TMTC2: variants seen among roughly 807,000 people sequenced by gnomAD.
The protein encoded by TMTC2 is protein O-mannosyl-transferase TMTC2.
A neutral mutation model predicts 82.4 loss-of-function variants in TMTC2; 43 were observed. That is an observed-to-expected ratio of 0.52 (90% confidence interval 0.41 to 0.67). The LOEUF (loss-of-function observed/expected upper bound fraction) is 0.67. Ranked by LOEUF, TMTC2 falls within the 30% of genes least tolerant of loss-of-function variation. The pLI, the probability that TMTC2 is intolerant of heterozygous loss-of-function variation, is 0.00. For missense variants in TMTC2, 919 were observed against 1,012.4 expected (o/e 0.91, Z 1.25); for synonymous variants, 408 against 381.9 (o/e 1.07, Z -0.80).
At chr12:82,988,183 G>A (rs568199678) in intron 8 of TMTC2, among the ~76,000 whole-genome samples, 1 of 152,272 alleles carries the variant, frequency 6.6e-6, no homozygotes, top group Non-Finnish European at 1.5e-5. Flanking sequence ...GGAATGGGAA[G>A]AGAGATTTCA....
chr12:83,127,515 C>CAAAA (rs2137569878), intron 11 of TMTC2, among the ~76,000 whole-genome samples: 1 of 152,194 alleles, frequency 6.6e-6, no homozygotes, highest in Admixed American at 6.5e-5. Flanking sequence ...AAACGCTTTT[C>CAAAA]TCTTTTGTTT....
chr12:83,074,173 GA>G (rs929407855), intron 11 of TMTC2, among the ~76,000 whole-genome samples: 4 of 152,132 alleles, frequency 2.6e-5, no homozygotes, highest in African/African-American at 9.7e-5. Flanking sequence ...GTGTTCGCTT[GA>G]TGTAGTACTC....
rs75330258 is a variant in TMTC2, at chr12:82,834,659, A to G, written c.84-22351A>G. Among the ~76,000 whole-genome samples, 1,430 of 152,302 alleles carry G rather than the reference A, an allele frequency of 9.4e-3. 27 individuals are homozygous for G. Among genetic ancestry groups the G allele is most frequent in the African/African-American group, 0.033 (1,388 of 41,568 alleles). ...CTCCTTCAGTAATTCTCAAAATGACATGATTCCAAAGTGTCCGTGTCATCT... is the reference window on the plus strand; with the variant it reads ...CTCCTTCAGTAATTCTCAAAATGACGTGATTCCAAAGTGTCCGTGTCATCT... On this transcript the variant is annotated intron_variant, in intron 1 of 11. Transcript: ENST00000321196.
At chr12:82,766,783 C>CTATTTATTTATTTATTTATT (rs10645376) in intron 1 of TMTC2, among the ~76,000 whole-genome samples, 77 of 151,394 alleles carry the variant, frequency 5.1e-4, no homozygotes, top group African/African-American at 1.8e-3. Context: ...GTTGATTCTT[C>CTATTTATTTATTTATTTATT]TATTTATTTA....
intron 8 of TMTC2, among the ~76,000 whole-genome samples, chr12:83,018,750 A>G (rs1880789663): frequency 1.3e-5 from 2 of 151,174 alleles, no homozygotes; most frequent in South Asian, 4.2e-4. Context: ...CTCAAGATTT[A>G]GTCAGATTTA....
At chr12:82,718,657 G>A (rs923570375) in intron 1 of TMTC2, among the ~76,000 whole-genome samples, 1 of 152,110 alleles carries the variant, frequency 6.6e-6, no homozygotes, top group Non-Finnish European at 1.5e-5. Flanking sequence ...ACATGACAGG[G>A]CCATTTTTGC....
intron 11 of TMTC2, among the ~76,000 whole-genome samples, chr12:83,073,412 C>A (rs1565878394): frequency 6.6e-6 from 1 of 152,136 alleles, no homozygotes; most frequent in Non-Finnish European, 1.5e-5. Context: ...ACTTAAGAAT[C>A]TTTCCTTTGT....
intron 1 of TMTC2, among the ~76,000 whole-genome samples, chr12:82,838,189 G>C (rs1351447147): frequency 6.6e-6 from 1 of 152,174 alleles, no homozygotes; most frequent in Admixed American, 6.5e-5. Flanking sequence ...GGTGCAACCA[G>C]TGCTCACTTA....
intron 1 of TMTC2, among the ~76,000 whole-genome samples, chr12:82,795,817 C>T (rs116986155): frequency 0.015 from 2,262 of 152,214 alleles, 30 homozygotes; most frequent in Admixed American, 0.023. Context: ...TCTTGGACTT[C>T]CTAGCTTGCA....
intron 1 of TMTC2, among the ~76,000 whole-genome samples, chr12:82,817,342 A>C (rs1304900020): frequency 6.6e-6 from 1 of 152,062 alleles, no homozygotes; most frequent in African/African-American, 2.4e-5. Flanking sequence ...TTAGTATCTA[A>C]GATTTTTTCT....
At chr12:83,079,317 C>A (rs2137501468) in intron 11 of TMTC2, among the ~76,000 whole-genome samples, 1 of 152,152 alleles carries the variant, frequency 6.6e-6, no homozygotes, top group East Asian at 1.9e-4. Context: ...TTGTTTATAG[C>A]ATAAGGATTC....
intron 11 of TMTC2, among the ~76,000 whole-genome samples, chr12:83,062,522 TA>T (rs1882780405): frequency 6.6e-6 from 1 of 151,830 alleles, no homozygotes; most frequent in Non-Finnish European, 1.5e-5. Context: ...TAAAATCTTC[TA>T]CCCTGTTCTT....
At chr12:82,710,402 C>G (rs1873566908) in intron 1 of TMTC2, among the ~76,000 whole-genome samples, 1 of 152,158 alleles carries the variant, frequency 6.6e-6, no homozygotes, top group Non-Finnish European at 1.5e-5. Flanking sequence ...TTAGTTGTTT[C>G]TCTTTAGATC....
chr12:83,009,060 T>C (rs1880332097), intron 8 of TMTC2, among the ~76,000 whole-genome samples: 1 of 152,202 alleles, frequency 6.6e-6, no homozygotes, highest in African/African-American at 2.4e-5. Flanking sequence ...GTGACCTTCA[T>C]GAGTTATTCT....
At chr12:82,761,868 TTCTCTCTTTCTTTCTTTC>T (rs1027868262) in intron 1 of TMTC2, among the ~76,000 whole-genome samples, 17 of 52,924 alleles carry the variant, frequency 3.2e-4, no homozygotes, top group African/African-American at 8.1e-4. Flanking sequence ...CTGTTTCTCT[TTCTCTCTTTCTTTCTTTC>T]TCTCTCTTTC....
intron 2 of TMTC2, among the ~76,000 whole-genome samples, chr12:82,874,152 A>G (rs1349575799): frequency 1.3e-5 from 2 of 152,232 alleles, no homozygotes; most frequent in East Asian, 1.9e-4. Flanking sequence ...TAGACATTTG[A>G]GAGAAGTTGT....
At chr12:82,972,740 C>T (rs1194229863) in intron 7 of TMTC2, among the ~76,000 whole-genome samples, 1 of 152,114 alleles carries the variant, frequency 6.6e-6, no homozygotes, top group Non-Finnish European at 1.5e-5. Flanking sequence ...CAAATGTTCT[C>T]GCTCGTAAAT....
intron 1 of TMTC2, among the ~76,000 whole-genome samples, chr12:82,811,103 G>A (rs1426508749): frequency 5.3e-5 from 8 of 152,170 alleles, no homozygotes; most frequent in African/African-American, 1.9e-4. Flanking sequence ...GTGGTGGCCT[G>A]TAATCCCAGC....
At chr12:82,702,052 T>C (rs1295458522) in intron 1 of TMTC2, among the ~76,000 whole-genome samples, 2 of 152,192 alleles carry the variant, frequency 1.3e-5, no homozygotes, top group East Asian at 3.9e-4. Flanking sequence ...CCTTCTAGAT[T>C]AAAACAGGTC....
Sources: gnomAD v4.1 joint callset for allele counts (sites outside exome capture counted in the v4.1 genomes callset) on GRCh38, gnomAD v4.1.1 for gene constraint, MANE v1.5 for transcripts, NCBI Gene and HGNC (gene_info 2026-07-23, HGNC 2026-07-21) for gene names.